The following PFKFB3 variants were observed in gnomAD, a reference collection of about 807,000 sequenced individuals.
PFKFB3 encodes 6-phosphofructo-2-kinase/fructose-2,6-biphosphatase 3.
Under a neutral mutation model 68.0 loss-of-function variants are expected in PFKFB3, and 33 were observed. That is an observed-to-expected ratio of 0.49 (90% CI 0.37 to 0.65). The LOEUF is 0.65. Among genes scored for constraint, PFKFB3 ranks in the 30% least tolerant of loss-of-function variants. PFKFB3 has a pLI of 0.00. For synonymous variants in PFKFB3, 315 were observed against 288.2 expected (o/e 1.09, Z -0.94); for missense variants, 586 against 712.2 (o/e 0.82, Z 2.02).
intron 1 of PFKFB3, among the ~76,000 whole-genome samples, chr10:6,194,883 T>C (rs189953077): frequency 1.3e-5 from 2 of 151,892 alleles, no homozygotes; most frequent in African/African-American, 4.8e-5. Flanking sequence ...TTTTCTTTTT[T>C]TTTTTTTGAG....
downstream of PFKFB3, among the ~76,000 whole-genome samples, chr10:6,257,885 G>T (rs1325269547): frequency 1.3e-5 from 2 of 152,124 alleles, no homozygotes; most frequent in African/African-American, 4.8e-5. Context: ...ACCCACTGGA[G>T]ACAAGGAGCC....
chr10:6,210,399 C>T (rs1157510935), intron 1 of PFKFB3, among the ~76,000 whole-genome samples: 2 of 83,012 alleles, frequency 2.4e-5, no homozygotes, highest in East Asian at 3.0e-4. Context: ...TTCGCTCTGT[C>T]ACCCAGGCTG....
At chr10:6,198,643 C>G (rs539965723), upstream of PFKFB3, among the ~76,000 whole-genome samples, 1 of 152,280 alleles carries the variant, frequency 6.6e-6, no homozygotes, top group South Asian at 2.1e-4. Flanking sequence ...CCACCACACC[C>G]AGCTAATTTT....
chr10:6,204,352 C>T (rs4747921), intron 1 of PFKFB3, among the ~76,000 whole-genome samples: 16,926 of 152,302 alleles, frequency 0.11, 963 homozygotes, highest in East Asian at 0.18. Context: ...TGCAAACTCT[C>T]GAGGTGGCTT....
chr10:6,303,798 T>TAA, the PFKFB3 span, among the ~76,000 whole-genome samples: 324 of 120,658 alleles, frequency 2.7e-3, 2 homozygotes, highest in Middle Eastern at 0.041. Context: ...AGAGTCCATC[T>TAA]AAAAAAAAAA....
the PFKFB3 span, among the ~76,000 whole-genome samples, chr10:6,276,440 GAA>G: frequency 6.6e-6 from 1 of 150,854 alleles, no homozygotes; most frequent in African/African-American, 2.4e-5. Flanking sequence ...GCCAAAAAGA[GAA>G]ATCTCTGTAT....
In PFKFB3 at chr10:6,145,664, A is replaced by C. The variant is rs1340694214; in HGVS notation, c.16+651A>C. On this transcript the variant is annotated intron_variant, in intron 1 of 14. Transcript: ENST00000379789. ...CCCCCGGGCAGTCATTTCAGCCCCCAGCCCCAGTTGCCTCCTGGGCAAAAC... is the reference window on the plus strand; with the variant it reads ...CCCCCGGGCAGTCATTTCAGCCCCCCGCCCCAGTTGCCTCCTGGGCAAAAC... Among the ~76,000 whole-genome samples the C allele has an allele frequency of 3.3e-5, 5 of 151,956 alleles. No individual in the cohort carries two copies. In the East Asian group the frequency reaches 9.7e-4, roughly 29 times the overall value.
chr10:6,177,354 C>CTCTTTCTT (rs71294418), intron 1 of PFKFB3, among the ~76,000 whole-genome samples: 12,152 of 77,878 alleles, frequency 0.16, 1,364 homozygotes, highest in African/African-American at 0.19. Context: ...CTTTTCTTTT[C>CTCTTTCTT]TCTTTCTTTC....
At chr10:6,230,778 C>T (rs533492528) in intron 14 of PFKFB3, among the ~76,000 whole-genome samples, 4 of 151,346 alleles carry the variant, frequency 2.6e-5, no homozygotes, top group Non-Finnish European at 4.4e-5. Context: ...TGCAGTGGCG[C>T]GATCTTGGCT....
At position 6,154,314 on chromosome 10, in the gene PFKFB3, C is replaced by T. The variant is rs550803642; in HGVS notation, c.16+9301C>T. On this transcript the variant is annotated intron_variant, in intron 1 of 14. Coordinates refer to the PFKFB3 transcript ENST00000379789. The surrounding 1 kb of genome is among the most constrained non-coding windows in gnomAD (Gnocchi z 4.6). ...AGGCTGGAGTGCAGTGGCGCGTTCT[C>T]GGCTCACTGCAACCTCTGCCTCTCG... 7.9e-5 allele frequency among the ~76,000 whole-genome samples: 12 copies of T among 151,450 alleles called. No homozygotes were observed. Among genetic ancestry groups the T allele is most frequent in the Admixed American group, 5.9e-4 (9 of 15,222 alleles).
chr10:6,268,543 C>A, the PFKFB3 span, among the ~76,000 whole-genome samples: 1 of 151,668 alleles, frequency 6.6e-6, no homozygotes, highest in Non-Finnish European at 1.5e-5. Context: ...GAGAATCACT[C>A]GAACGCAGGA....
At chr10:6,208,564 A>T (rs1434896683) in intron 1 of PFKFB3, among the ~76,000 whole-genome samples, 2 of 151,916 alleles carry the variant, frequency 1.3e-5, no homozygotes, top group Non-Finnish European at 2.9e-5. Context: ...AGCTTAAGGA[A>T]GCTGGGTGGG....
chr10:6,292,637 A>T, the PFKFB3 span, among the ~76,000 whole-genome samples: 16 of 133,118 alleles, frequency 1.2e-4, no homozygotes, highest in East Asian at 6.2e-4. Context: ...ACACAGAATT[A>T]AAAAAAAAAA....
chr10:6,206,460 C>G (rs1843698230), intron 1 of PFKFB3, among the ~76,000 whole-genome samples: 1 of 121,590 alleles, frequency 8.2e-6, no homozygotes, highest in Admixed American at 7.8e-5. Flanking sequence ...TCTCAATGAG[C>G]TGTTGGGTAC....
intron 14 of PFKFB3, among the ~76,000 whole-genome samples, chr10:6,248,895 C>G (rs967930875): frequency 6.6e-6 from 1 of 151,738 alleles, no homozygotes; most frequent in African/African-American, 2.4e-5. Context: ...ACCCTTAGGT[C>G]GGGAACAGTG....
intron 1 of PFKFB3, among the ~76,000 whole-genome samples, chr10:6,167,329 C>T (rs891441277): frequency 2.6e-5 from 4 of 152,198 alleles, no homozygotes; most frequent in African/African-American, 9.7e-5. Flanking sequence ...TTCAGCTCTG[C>T]GGTCCTCAGT....
chr10:6,162,404 G>T, intron 1 of PFKFB3, among the ~76,000 whole-genome samples: 1 of 152,220 alleles, frequency 6.6e-6, no homozygotes, highest in South Asian at 2.1e-4. Flanking sequence ...TATATACAAG[G>T]AATAATCTTT....
intron 10 of PFKFB3, 194 bp from the exon 11 acceptor site, chr10:6,222,661 G>T (rs899797372): frequency 1.2e-5 from 6 of 491,270 alleles, no homozygotes; most frequent in African/African-American, 1.2e-4. Flanking sequence ...CCGTGTGGGA[G>T]CGGAGTGGGG....
chr10:6,158,584 G>A (rs949988800), intron 1 of PFKFB3, among the ~76,000 whole-genome samples: 1 of 152,138 alleles, frequency 6.6e-6, no homozygotes, highest in African/African-American at 2.4e-5. Context: ...CACATACTTC[G>A]GCTAGGTGCG....
Sources: gnomAD v4.1 joint callset for allele counts (sites outside exome capture counted in the v4.1 genomes callset) on GRCh38, gnomAD v4.1.1 for gene constraint, Gnocchi (gnomAD v3.1) non-coding constraint, MANE v1.5 for transcripts, NCBI Gene and HGNC (gene_info 2026-07-23, HGNC 2026-07-21) for gene names.